Variants in MRC1 observed in about 807,000 individuals in gnomAD.
MRC1 encodes the protein mannose receptor C-type 1.
In MRC1, 62 loss-of-function variants were observed where a neutral mutation model predicts 102.9. The ratio of observed to expected loss-of-function variants is 0.60; its 90% CI spans 0.49 to 0.74. The LOEUF (loss-of-function observed/expected upper bound fraction) is 0.74, where lower values mean the gene tolerates loss of function less well. Ranked by LOEUF, MRC1 falls within the 30% of genes least tolerant of loss-of-function variation. MRC1 has a pLI of 0.00. For missense variants in MRC1, 1,237 were observed against 862.8 expected (o/e 1.43, Z -5.43); for synonymous variants, 457 against 298.4 (o/e 1.53, Z -5.48).
chr10:17,852,156 T>C (rs782433335), intron 7 of MRC1, among the ~76,000 whole-genome samples: 7,456 of 152,290 alleles, frequency 0.049, 222 homozygotes, highest in South Asian at 0.093. Flanking sequence ...TTTGTTGTGA[T>C]ATTTAGGAAT....
At chr10:17,896,163 T>G (rs1833752250) in intron 23 of MRC1, among the ~76,000 whole-genome samples, 1 of 152,164 alleles carries the variant, frequency 6.6e-6, no homozygotes, top group Non-Finnish European at 1.5e-5. Context: ...AGTAGAGTTC[T>G]TAAAGGATGG....
intron 7 of MRC1, among the ~76,000 whole-genome samples, chr10:17,851,184 A>T (rs970159536): frequency 2.0e-4 from 30 of 152,318 alleles, no homozygotes; most frequent in South Asian, 8.3e-4. Flanking sequence ...AAAAAACCTG[A>T]TATTTTTATT....
chr10:17,829,030 C>A (rs1838527812), intron 3 of MRC1, among the ~76,000 whole-genome samples: 1 of 151,506 alleles, frequency 6.6e-6, no homozygotes, highest in Admixed American at 6.6e-5. Flanking sequence ...GACCTCTCAC[C>A]TGCTACTTTA....
intron 5 of MRC1, among the ~76,000 whole-genome samples, chr10:17,844,044 T>G (rs34630864): frequency 0.12 from 18,056 of 152,168 alleles, 1,071 homozygotes; most frequent in Middle Eastern, 0.17. Flanking sequence ...ATTCATCCCT[T>G]TAGCAACGTT....
At chr10:17,848,510 A>G (rs1279800848) in intron 6 of MRC1, among the ~76,000 whole-genome samples, 6 of 152,192 alleles carry the variant, frequency 3.9e-5, no homozygotes, top group South Asian at 2.1e-4. Context: ...AGATTATACA[A>G]TTTGATCCTA....
At chr10:17,845,038 G>A (rs533113067) in intron 5 of MRC1, 5 of 738,890 alleles carry the variant, frequency 6.8e-6, no homozygotes, top group Middle Eastern at 7.4e-4. Flanking sequence ...TGGGGGAAAG[G>A]GTTGTTTCAA....
At chr10:17,865,041 T>G (rs2130666553) in intron 11 of MRC1, among the ~76,000 whole-genome samples, 1 of 152,318 alleles carries the variant, frequency 6.6e-6, no homozygotes, top group South Asian at 2.1e-4. Context: ...GGAAAGATTC[T>G]TTGACTTTTT....
chr10:17,873,891 A>G (rs1329988674), intron 16 of MRC1, 66 bp downstream of exon 16: 13 of 858,580 alleles, frequency 1.5e-5, no homozygotes, highest in Admixed American at 8.5e-5. Flanking sequence ...TCCTTTCTCA[A>G]TGAAAAAATT....
At chr10:17,871,945 A>C in intron 14 of MRC1, 37 bp from the exon 15 acceptor site, 5 of 775,830 alleles carry the variant, frequency 6.4e-6, no homozygotes, top group Non-Finnish European at 1.2e-5. Flanking sequence ...GCTTGATACA[A>C]ATGGTTAATG....
intron 2 of MRC1, among the ~76,000 whole-genome samples, chr10:17,823,755 T>A (rs1439966301): frequency 1.3e-5 from 2 of 152,232 alleles, no homozygotes; most frequent in Non-Finnish European, 2.9e-5. Flanking sequence ...ATGGGCTACA[T>A]TTTTCAGAAA....
intron 7 of MRC1, among the ~76,000 whole-genome samples, chr10:17,850,651 A>G (rs1838900837): frequency 6.6e-6 from 1 of 152,168 alleles, no homozygotes; most frequent in African/African-American, 2.4e-5. Flanking sequence ...TCCACTGATG[A>G]GGCTGCTGAA....
chr10:17,879,624 T>A, intron 18 of MRC1, 97 bp from the exon 19 acceptor site: 1 of 779,132 alleles, frequency 1.3e-6, no homozygotes, highest in South Asian at 1.3e-5. Context: ...CGGCCTCCCA[T>A]GGTGCTGGGA....
At chr10:17,811,546 G>A (rs956625739) in intron 1 of MRC1, among the ~76,000 whole-genome samples, 1,555 of 151,570 alleles carry the variant, frequency 0.01, 28 homozygotes, top group African/African-American at 0.035. Context: ...TTTTTCCTAC[G>A]TGAAAGCCTG....
chr10:17,841,740 A>ATTT lies in MRC1; in HGVS notation c.916+950_916+952dup, dbSNP rs35422170. The stretch of plus-strand genomic sequence containing the variant: ...CACCCCTCAATCCCACCCCAGTGCC[A>ATTT]TTTTTTTTTTTTTTTTTTAGGAAAG... On this transcript the variant is annotated intron_variant, in intron 5 of 29. Coordinates refer to ENST00000569591, the MANE Select transcript of MRC1 (RefSeq NM_002438.4). 3.0e-3 allele frequency among the ~76,000 whole-genome samples: 376 copies of ATTT among 126,724 alleles called. 4 individuals are homozygous for ATTT. The highest frequency in any genetic ancestry group is 0.01 in the African/African-American group (351 of 34,638). 83.1% of individuals were successfully genotyped at this position (126,724 alleles called of 152,430 possible). A position where few individuals can be genotyped will look rare whatever the true frequency, so the allele number is the denominator to read the frequency against.
intron 21 of MRC1, among the ~76,000 whole-genome samples, chr10:17,882,154 G>A (rs1184501055): frequency 6.6e-6 from 1 of 152,064 alleles, no homozygotes; most frequent in African/African-American, 2.4e-5. Context: ...CTTGCCCTTT[G>A]AGGAGGGTGT....
chr10:17,889,756 C>T (rs1833647972), intron 22 of MRC1, among the ~76,000 whole-genome samples: 1 of 152,184 alleles, frequency 6.6e-6, no homozygotes, highest in Non-Finnish European at 1.5e-5. Context: ...TACGTTATCA[C>T]CAAATACATT....
At chr10:17,814,588 C>T (rs1324481078) in intron 1 of MRC1, among the ~76,000 whole-genome samples, 5 of 151,664 alleles carry the variant, frequency 3.3e-5, no homozygotes, top group Non-Finnish European at 7.4e-5. Flanking sequence ...TGATTGCAAG[C>T]CTATCAACCC....
chr10:17,819,451 GTA>G (rs1363684638), intron 1 of MRC1, among the ~76,000 whole-genome samples: 7 of 87,712 alleles, frequency 8.0e-5, no homozygotes, highest in Non-Finnish European at 1.4e-4. Flanking sequence ...ATTCAGAGTT[GTA>G]TGTGTGTGTG....
rs59778334 is a variant in MRC1, at chr10:17,819,453, A to ATGTGTGTG, written c.62-3591_62-3584dup. ...GGTATATGTATGAATTCAGAGTTGT[A>ATGTGTGTG]TGTGTGTGTGTGTGTGTGTGTGTGT... On this transcript the variant is annotated intron_variant, in intron 1 of 29. Coordinates refer to ENST00000569591, the MANE Select transcript of MRC1 (RefSeq NM_002438.4). Among the ~76,000 whole-genome samples the ATGTGTGTG allele has an allele frequency of 2.1e-3, 307 of 145,774 alleles. 1 individual carries two copies. Among genetic ancestry groups the ATGTGTGTG allele is most frequent in the African/African-American group, 7.2e-3 (284 of 39,290 alleles).
Sources: gnomAD v4.1 joint callset for allele counts (sites outside exome capture counted in the v4.1 genomes callset) on GRCh38, gnomAD v4.1.1 for gene constraint, MANE v1.5 for transcripts, NCBI Gene and HGNC (gene_info 2026-07-23, HGNC 2026-07-21) for gene names.